The following HEPH variants were observed in gnomAD, a reference collection of about 807,000 sequenced individuals.
HEPH encodes the protein hephaestin.
A neutral mutation model predicts 80.8 loss-of-function variants in HEPH; 69 were observed. That is an observed-to-expected ratio of 0.85 (90% CI 0.70 to 1.04). The LOEUF (loss-of-function observed/expected upper bound fraction) is 1.04, where lower values mean the gene tolerates loss of function less well. Among genes scored for constraint, HEPH ranks in the 50% least tolerant of loss-of-function variants. The probability of loss-of-function intolerance (pLI) is 0.00; values close to 1 mark genes in which losing one functional copy is unlikely to be tolerated. For missense variants in HEPH, 1,115 were observed against 891.3 expected (o/e 1.25, Z -3.20); for synonymous variants, 431 against 322.8 (o/e 1.34, Z -3.60).
intron 15 of HEPH, among the ~76,000 whole-genome samples, chrX:66,235,451 G>T (rs189266072): frequency 2.3e-4 from 25 of 107,245 alleles, no homozygotes; most frequent in Non-Finnish European, 3.6e-4. Context: ...TATTCAATTA[G>T]GGGATTGTTT....
chrX:66,265,788 A>G (rs2091519770), intron 20 of HEPH, among the ~76,000 whole-genome samples: 1 of 111,893 alleles, frequency 8.9e-6, no homozygotes, highest in Non-Finnish European at 1.9e-5. Context: ...GCTGAAAACT[A>G]GTAGATAGGA....
chrX:66,176,085 C>T (rs907721098), intron 4 of HEPH, among the ~76,000 whole-genome samples: 2 of 111,399 alleles, frequency 1.8e-5, no homozygotes, highest in African/African-American at 3.3e-5. Flanking sequence ...GCATCCTTGT[C>T]TTATTCCAGT....
At chrX:66,214,555 G>C (rs758934530) in intron 15 of HEPH, among the ~76,000 whole-genome samples, 1 of 111,259 alleles carries the variant, frequency 9.0e-6, no homozygotes, top group East Asian at 2.8e-4. Flanking sequence ...TTGAAATTTT[G>C]TTTATCAAGT....
chrX:66,217,992 A>G (rs1380055421), intron 15 of HEPH, among the ~76,000 whole-genome samples: 3 of 111,710 alleles, frequency 2.7e-5, no homozygotes, highest in Non-Finnish European at 5.6e-5. Context: ...GGAAAATATA[A>G]CAATCTTAAA....
At chrX:66,214,957 G>A (rs1164884957) in intron 15 of HEPH, among the ~76,000 whole-genome samples, 1 of 111,275 alleles carries the variant, frequency 9.0e-6, no homozygotes, top group Non-Finnish European at 1.9e-5. Flanking sequence ...TTACTTAGGT[G>A]TATGTTATTT....
intron 15 of HEPH, among the ~76,000 whole-genome samples, chrX:66,219,651 A>AG (rs2089551591): frequency 8.9e-6 from 1 of 111,751 alleles, no homozygotes; most frequent in South Asian, 3.8e-4. Flanking sequence ...TGATTCTCTC[A>AG]GGGGGCCATG....
intron 15 of HEPH, among the ~76,000 whole-genome samples, chrX:66,215,739 C>T (rs1196889364): frequency 9.0e-6 from 1 of 111,236 alleles, no homozygotes; most frequent in Non-Finnish European, 1.9e-5. Flanking sequence ...AGAGAATCCA[C>T]AGACCCTTTG....
In HEPH at chrX:66,266,657, G is replaced by A. The variant is rs747734937; in HGVS notation, c.3462G>A (p.Leu1154=). The part of the protein sequence containing the change: ...RSILDDSFKL[L]SFKQ ...TCCTGGATGACAGCTTCAAGCTTCTGTCTTTCAAACAGTAACATCTGGAGC... is the reference window on the plus strand; with the variant it reads ...TCCTGGATGACAGCTTCAAGCTTCTATCTTTCAAACAGTAACATCTGGAGC... Residue 1154 remains leucine, a synonymous_variant, in exon 21 of 21, where the codon CTG becomes CTA. Transcript: ENST00000343002. 7 of 1,199,090 alleles carry A rather than the reference G, an allele frequency of 5.8e-6. No individual in the cohort carries two copies. The highest frequency in any genetic ancestry group is 6.8e-6 in the Non-Finnish European group (6 of 884,902).
chrX:66,187,890 TA>T (rs1200513032), intron 4 of HEPH, among the ~76,000 whole-genome samples: 3 of 112,488 alleles, frequency 2.7e-5, no homozygotes, highest in Non-Finnish European at 5.6e-5. Flanking sequence ...TTCTCCTTTT[TA>T]TTTTTTTTCT....
intron 15 of HEPH, among the ~76,000 whole-genome samples, chrX:66,250,090 A>T (rs771620596): frequency 1.8e-5 from 2 of 111,468 alleles, no homozygotes; most frequent in African/African-American, 3.3e-5. Flanking sequence ...TCTCAAGGAC[A>T]TAGCACTTAT....
At chrX:66,245,177 T>A (rs1015149794) in intron 15 of HEPH, among the ~76,000 whole-genome samples, 2 of 111,002 alleles carry the variant, frequency 1.8e-5, no homozygotes, top group Non-Finnish European at 3.8e-5. Flanking sequence ...TAAAAGACAC[T>A]GACTGGCAAA....
At chrX:66,202,070 G>A (rs2088489147) in intron 12 of HEPH, among the ~76,000 whole-genome samples, 1 of 111,808 alleles carries the variant, frequency 8.9e-6, no homozygotes, top group African/African-American at 3.3e-5. Flanking sequence ...GAGAAGTGAA[G>A]AATGTAGAAC....
chrX:66,253,663 A>G (rs1342624102), intron 15 of HEPH, among the ~76,000 whole-genome samples: 5 of 112,143 alleles, frequency 4.5e-5, no homozygotes, highest in Admixed American at 9.5e-5. Context: ...AGCACTATTC[A>G]TAATAACTAA....
Position 66,258,833 on chromosome X carries a change from T to C in HEPH, c.2897-7T>C. 2.6e-6 allele frequency: 3 copies of C among 1,132,676 alleles called. No individual in the cohort carries two copies. Among genetic ancestry groups the C allele is most frequent in the Non-Finnish European group, 2.3e-6 (2 of 859,127 alleles). The allele number at this position is 1,132,676 out of a possible 1,213,427, so 93.3% of individuals were successfully genotyped here. A position where few individuals can be genotyped will look rare whatever the true frequency, so the allele number is the denominator to read the frequency against. ...TTCTTTTCTTTTCTTTTCTTTTTTT[T>C]TGACAGCAATCAATGGGAAACTCTA... On this transcript the variant is annotated splice_polypyrimidine_tract_variant and splice_region_variant and intron_variant, in intron 17 of 20. Transcript: ENST00000343002.
At chrX:66,201,113 G>C (rs1391930115) in intron 12 of HEPH, among the ~76,000 whole-genome samples, 1 of 110,986 alleles carries the variant, frequency 9.0e-6, no homozygotes, top group African/African-American at 3.3e-5. Context: ...TCAATAAAAT[G>C]CACTTATAAG....
chrX:66,233,149 T>G (rs2090222836), intron 15 of HEPH, among the ~76,000 whole-genome samples: 1 of 111,905 alleles, frequency 8.9e-6, no homozygotes, highest in Non-Finnish European at 1.9e-5. Flanking sequence ...ACACAATTAA[T>G]TACAAAACAC....
At chrX:66,173,514 GCT>G in intron 3 of HEPH, 73 bp from the exon 4 acceptor site, 2 of 730,988 alleles carry the variant, frequency 2.7e-6, no homozygotes, top group South Asian at 5.2e-5. Context: ...CTACATGTCA[GCT>G]CTGTCTTAAT....
At position 66,213,606 on chromosome X, in the gene HEPH, G is replaced by C. The variant is rs1398427949; in HGVS notation, c.2563+5360G>C. Among the ~76,000 whole-genome samples the C allele has an allele frequency of 5.4e-5, 6 of 110,784 alleles. No individual in the cohort carries two copies. The South Asian group carries it at 1.9e-3, about 35-fold the overall frequency. ...TATAACTACAACTGGATATATTTTT[G>C]TATTGCAATGAAATTCTTGTATGCA... On this transcript the variant is annotated intron_variant, in intron 15 of 20. Transcript: ENST00000343002.
chrX:66,224,013 T>C (rs2089769703), intron 15 of HEPH, among the ~76,000 whole-genome samples: 1 of 110,976 alleles, frequency 9.0e-6, no homozygotes, highest in African/African-American at 3.3e-5. Context: ...AAACAACCAG[T>C]TAATGTATTT....
Sources: allele counts gnomAD v4.1 joint callset (sites outside exome capture counted in the v4.1 genomes callset), GRCh38; gene constraint gnomAD v4.1.1; transcripts MANE v1.5; gene names NCBI Gene and HGNC (gene_info 2026-07-23, HGNC 2026-07-21).